MAPRE3: variants seen among roughly 807,000 people sequenced by gnomAD.
MAPRE3 encodes microtubule associated protein RP/EB family member 3.
Under a neutral mutation model 30.5 loss-of-function variants are expected in MAPRE3, and 2 were observed. The ratio of observed to expected loss-of-function variants is 0.07; its 90% CI spans 0.03 to 0.21. MAPRE3 has a LOEUF of 0.21. Among genes scored for constraint, MAPRE3 ranks in the 10% least tolerant of loss-of-function variants. The probability of loss-of-function intolerance (pLI) is 1.00; values close to 1 mark genes in which losing one functional copy is unlikely to be tolerated. For missense variants in MAPRE3, 204 were observed against 351.8 expected, an observed-to-expected ratio of 0.58 and a Z score of 3.36; for synonymous variants, 110 against 127.7, an observed-to-expected ratio of 0.86 and a Z score of 0.93.
intron 1 of MAPRE3, among the ~76,000 whole-genome samples, chr2:27,005,971 A>G (rs192071426): frequency 1.4e-4 from 21 of 152,288 alleles, no homozygotes; most frequent in African/African-American, 4.6e-4. Context: ...TCACGAGGTC[A>G]GGAGATCGAG....
chr2:26,990,304 C>T (rs1223655868), intron 1 of MAPRE3, among the ~76,000 whole-genome samples: 4 of 152,190 alleles, frequency 2.6e-5, no homozygotes, highest in Non-Finnish European at 4.4e-5. Context: ...GCCCCATGCT[C>T]TCCCCGCTCC....
At chr2:27,026,092 C>T (rs1398144762) in intron 6 of MAPRE3, 60 bp downstream of exon 6, 26 of 1,587,198 alleles carry the variant, frequency 1.6e-5, no homozygotes, top group Middle Eastern at 1.7e-4. Flanking sequence ...AGACCAGAAG[C>T]GCGATAGGGC....
chr2:27,018,141 G>A (rs548967446), intron 1 of MAPRE3, among the ~76,000 whole-genome samples: 3 of 152,246 alleles, frequency 2.0e-5, no homozygotes, highest in African/African-American at 7.2e-5. Context: ...GCAGAACAAA[G>A]TCCCTAAAGT....
intron 1 of MAPRE3, among the ~76,000 whole-genome samples, chr2:26,980,014 T>C (rs191573136): frequency 6.6e-6 from 1 of 152,156 alleles, no homozygotes; most frequent in African/African-American, 2.4e-5. Context: ...CTCAAAGGAA[T>C]CTCTCCAGAG....
rs59415017 is a variant in MAPRE3, at chr2:26,994,824, C to CTTTT, written c.-8+24039_-8+24042dup. On this transcript the variant is annotated intron_variant, in intron 1 of 6. Coordinates refer to ENST00000233121, the MANE Select transcript of MAPRE3 (RefSeq NM_012326.4). The stretch of plus-strand genomic sequence containing the variant: ...ATTTTCCTTTCTTCTTCTTCTTCTT[C>CTTTT]TTTTTTTTTTTTTTTTTTTTAAGAA... Among the ~76,000 whole-genome samples the CTTTT allele has an allele frequency of 8.0e-3, 613 of 76,722 alleles. 7 individuals are homozygous for CTTTT. The highest frequency in any genetic ancestry group is 0.029 in the African/African-American group (604 of 20,840). 50.3% of individuals were successfully genotyped at this position (76,722 alleles called of 152,430 possible).
intron 1 of MAPRE3, among the ~76,000 whole-genome samples, chr2:27,018,559 T>C (rs1011031151): frequency 2.6e-5 from 4 of 152,170 alleles, no homozygotes; most frequent in Non-Finnish European, 5.9e-5. Context: ...CCAATAAGAT[T>C]ATGAACTCCT....
rs1667125791 is a variant in MAPRE3, at chr2:27,022,355, T to C, written c.121+16T>C. On this transcript the variant is annotated intron_variant, in intron 2 of 6. Coordinates refer to ENST00000233121, the MANE Select transcript of MAPRE3 (RefSeq NM_012326.4). ...CTTTGTTCAGGTAGGAGGCTGGGAA[T>C]ATGGGAAGTGGCCCTGCTGGAAGGA... The C allele has an allele frequency of 1.9e-6, 3 of 1,612,192 alleles. No homozygotes were observed.
At chr2:27,023,994 A>G (rs1667173635) in intron 3 of MAPRE3, 102 bp from the exon 4 acceptor site, 1 of 867,156 alleles carries the variant, frequency 1.2e-6, no homozygotes, top group Non-Finnish European at 1.9e-6. Context: ...AGGACGCTGC[A>G]GCCCAGGGGC....
chr2:27,003,070 G>A (rs747248063), intron 1 of MAPRE3: 12 of 152,258 alleles, frequency 7.9e-5, no homozygotes, highest in African/African-American at 1.4e-4. Context: ...CTGAGGAGGT[G>A]GCCAAAAGAG....
At chr2:26,999,517 G>GTTT (rs1558378424) in intron 1 of MAPRE3, among the ~76,000 whole-genome samples, 1 of 117,978 alleles carries the variant, frequency 8.5e-6, no homozygotes, top group African/African-American at 3.5e-5. Context: ...TTTTTTTTTG[G>GTTT]GATGGAGTTT....
chr2:27,020,873 G>C (rs576218070), intron 1 of MAPRE3, among the ~76,000 whole-genome samples: 3 of 152,294 alleles, frequency 2.0e-5, no homozygotes, highest in Admixed American at 6.5e-5. Flanking sequence ...AGGCTGGAAG[G>C]CCTTTTAGGA....
At chr2:26,987,649 AAAAG>A (rs1293609719) in intron 1 of MAPRE3, among the ~76,000 whole-genome samples, 1 of 152,206 alleles carries the variant, frequency 6.6e-6, no homozygotes, top group Non-Finnish European at 1.5e-5. Flanking sequence ...AAAAAACAAA[AAAAG>A]AAAGAAAGAA....
chr2:26,983,208 T>C (rs988940593), intron 1 of MAPRE3, among the ~76,000 whole-genome samples: 1 of 152,218 alleles, frequency 6.6e-6, no homozygotes, highest in African/African-American at 2.4e-5. Flanking sequence ...AAATCAAATG[T>C]GTAGTGGAGC....
At chr2:26,993,105 C>T (rs62130503) in intron 1 of MAPRE3, among the ~76,000 whole-genome samples, 4,746 of 152,290 alleles carry the variant, frequency 0.031, 112 homozygotes, top group Middle Eastern at 0.071. Flanking sequence ...CGCAGTGGCT[C>T]ACCCCTGTAA....
Position 26,999,488 on chromosome 2 carries a change from C to CTTTTTTTTTTTT in MAPRE3, c.-7-22708_-7-22697dup, listed in dbSNP as rs531651199. ...TTTTTTCTTCTTTCTTTCCTTCTTT[C>CTTTTTTTTTTTT]TTTTTTTTTTTTTTTTTTTTTTTTT... On this transcript the variant is annotated intron_variant, in intron 1 of 6. Coordinates refer to ENST00000233121, the MANE Select transcript of MAPRE3 (RefSeq NM_012326.4). Among the ~76,000 whole-genome samples the CTTTTTTTTTTTT allele has an allele frequency of 3.2e-4, 25 of 79,004 alleles. 2 individuals are homozygous for CTTTTTTTTTTTT. Among genetic ancestry groups the CTTTTTTTTTTTT allele is most frequent in the Admixed American group, 5.5e-4 (3 of 5,428 alleles). The allele number at this position is 79,004 out of a possible 152,430, so 51.8% of individuals were successfully genotyped here.
chr2:27,021,000 G>T (rs1667100406), intron 1 of MAPRE3, among the ~76,000 whole-genome samples: 1 of 152,186 alleles, frequency 6.6e-6, no homozygotes, highest in African/African-American at 2.4e-5. Flanking sequence ...AAAAAGGATT[G>T]TTGCATTGCT....
At chr2:26,989,357 A>G (rs998728172) in intron 1 of MAPRE3, among the ~76,000 whole-genome samples, 12 of 152,072 alleles carry the variant, frequency 7.9e-5, no homozygotes, top group African/African-American at 2.9e-4. Flanking sequence ...CTTTCCATAC[A>G]CTGCCTCGAT....
At chr2:26,984,580 G>A (rs1352773275) in intron 1 of MAPRE3, among the ~76,000 whole-genome samples, 1 of 152,208 alleles carries the variant, frequency 6.6e-6, no homozygotes, top group Non-Finnish European at 1.5e-5. Flanking sequence ...GCTGCCCCAA[G>A]GAAACATATG....
intron 1 of MAPRE3, among the ~76,000 whole-genome samples, chr2:26,973,546 GTT>G (rs68169162): frequency 1.6e-3 from 200 of 122,270 alleles, no homozygotes; most frequent in South Asian, 0.015. Context: ...AGAAAATATA[GTT>G]TTTTTTTTTT....
Sources: allele counts gnomAD v4.1 joint callset (sites outside exome capture counted in the v4.1 genomes callset), GRCh38; gene constraint gnomAD v4.1.1; transcripts MANE v1.5; gene names NCBI Gene and HGNC (gene_info 2026-07-23, HGNC 2026-07-21).